The following TRPS1 variants were observed in gnomAD, a reference collection of about 807,000 sequenced individuals.
TRPS1 encodes zinc finger transcription factor Trps1.
TRPS1 carries 6 observed loss-of-function variants against 101.2 expected under a neutral mutation model. The observed-to-expected ratio is 0.06, with a 90% confidence interval of 0.03 to 0.12. The LOEUF is 0.12. Among genes scored for constraint, TRPS1 ranks in the 10% least tolerant of loss-of-function variants. TRPS1 has a pLI of 1.00. For missense variants in TRPS1, 1,363 were observed against 1,567.0 expected (o/e 0.87, Z 2.20); for synonymous variants, 578 against 589.8 (o/e 0.98, Z 0.29).
chr8:115,454,260 T>C (rs1275593193), intron 5 of TRPS1, among the ~76,000 whole-genome samples: 1 of 152,230 alleles, frequency 6.6e-6, no homozygotes, highest in Non-Finnish European at 1.5e-5. Flanking sequence ...GATACAGCCA[T>C]TCAAATAGGC....
At chr8:115,606,067 G>C (rs1030609957) in intron 3 of TRPS1, among the ~76,000 whole-genome samples, 1 of 152,168 alleles carries the variant, frequency 6.6e-6, no homozygotes, top group Non-Finnish European at 1.5e-5. Flanking sequence ...AATATATTAA[G>C]CAAGTGGCAT....
intron 5 of TRPS1, among the ~76,000 whole-genome samples, chr8:115,538,620 G>C (rs1412243246): frequency 6.6e-6 from 1 of 151,008 alleles, no homozygotes; most frequent in Non-Finnish European, 1.5e-5. Flanking sequence ...GCTTCCAAAT[G>C]TATCTTCTGA....
At chr8:115,628,314 C>T (rs961459024) in intron 1 of TRPS1, among the ~76,000 whole-genome samples, 1 of 151,756 alleles carries the variant, frequency 6.6e-6, no homozygotes, top group African/African-American at 2.4e-5. Flanking sequence ...TCCATTCACG[C>T]AACAAAAGGG....
intron 1 of TRPS1, chr8:115,637,397 G>T: frequency 1.3e-6 from 1 of 775,144 alleles, no homozygotes; most frequent in Non-Finnish European, 1.6e-6. Flanking sequence ...GAAGGGAAAG[G>T]TAGAAAATGA....
At chr8:115,655,484 C>T (rs1464061267) in intron 1 of TRPS1, among the ~76,000 whole-genome samples, 1 of 152,134 alleles carries the variant, frequency 6.6e-6, no homozygotes, top group Non-Finnish European at 1.5e-5. Context: ...TCAGAGACTA[C>T]ACCATTTACC....
rs1344785130 is a variant in TRPS1, at chr8:115,411,729, G to T, written c.*2294C>A. On this transcript the variant is annotated 3_prime_UTR_variant, in exon 7 of 7. Transcript: ENST00000395715. ...ACGCGACAGGTGAGATCAGAATAAG[G>T]CCCGTTAACAATGAAACTGAAGCAG... 6.6e-6 allele frequency: 1 copy of T among 152,192 alleles called. No homozygotes were observed. The highest frequency in any genetic ancestry group is 1.5e-5 in the Non-Finnish European group (1 of 67,946). The allele number at this position is 152,192 out of a possible 1,614,324, so 9.4% of individuals were successfully genotyped here.
intron 5 of TRPS1, among the ~76,000 whole-genome samples, chr8:115,498,399 CTCTCTCTCTCTCTCTCTATA>C (rs1428223652): frequency 8.5e-4 from 71 of 83,230 alleles, no homozygotes; most frequent in African/African-American, 3.5e-3. Flanking sequence ...CTCTCTCTCT[CTCTCTCTCTCTCTCTCTATA>C]TATATATATA....
rs1817981762 is a variant in TRPS1 at position 115,604,371 on chromosome 8, A to G, written c.1598T>C (p.Val533Ala). The G allele has an allele frequency of 6.2e-7, 1 of 1,614,016 alleles. No individual in the cohort carries two copies. Among genetic ancestry groups the G allele is most frequent in the Non-Finnish European group, 8.5e-7 (1 of 1,179,992 alleles). The change falls in exon 4 of 7, where the codon GTA becomes GCA. Residue 533 changes from valine to alanine, a missense_variant. By Grantham distance (64) the Val-to-Ala change is moderately conservative. This residue lies in a region of TRPS1 where 1,020 missense variants were observed against 1,073.0 expected (regional missense o/e 0.95). Transcript: ENST00000395715. The surrounding 1 kb of genome is among the most constrained non-coding windows in gnomAD (Gnocchi z 4.1). ...FSSKGAEDNM[V>A]TSYNCQFCDF... ...ACAGAACTGACAATTATAGCTCGTTACCATATTATCCTCGGCTCCCTTGCT... is the reference window on the plus strand; with the variant it reads ...ACAGAACTGACAATTATAGCTCGTTGCCATATTATCCTCGGCTCCCTTGCT...
chr8:115,590,775 C>T (rs1817662280), intron 4 of TRPS1, among the ~76,000 whole-genome samples: 2 of 152,122 alleles, frequency 1.3e-5, no homozygotes, highest in Non-Finnish European at 2.9e-5. Context: ...AAAGTTGTCT[C>T]TTGATATGGT....
chr8:115,451,586 C>T (rs2129929050), intron 5 of TRPS1, among the ~76,000 whole-genome samples: 1 of 152,206 alleles, frequency 6.6e-6, no homozygotes, highest in African/African-American at 2.4e-5. Context: ...TAATCCTAAC[C>T]ACAGCCTGTG....
chr8:115,579,284 C>T (rs1027142713), intron 5 of TRPS1, among the ~76,000 whole-genome samples: 3 of 152,058 alleles, frequency 2.0e-5, no homozygotes, highest in Admixed American at 6.5e-5. Flanking sequence ...AGTAGTTTCA[C>T]CAGATTTTCT....
At chr8:115,652,779 A>T (rs528985936) in intron 1 of TRPS1, among the ~76,000 whole-genome samples, 1 of 152,350 alleles carries the variant, frequency 6.6e-6, no homozygotes, top group South Asian at 2.1e-4. Flanking sequence ...AGCTTCTATA[A>T]AATATCCACG....
intron 5 of TRPS1, among the ~76,000 whole-genome samples, chr8:115,549,399 T>C (rs1326150941): frequency 6.6e-6 from 1 of 152,220 alleles, no homozygotes; most frequent in Non-Finnish European, 1.5e-5. Context: ...AAACATCATA[T>C]TGTATAAGAT....
At chr8:115,432,590 G>A (rs566847938) in intron 5 of TRPS1, among the ~76,000 whole-genome samples, 44 of 151,848 alleles carry the variant, frequency 2.9e-4, no homozygotes, top group African/African-American at 1.0e-3. Flanking sequence ...AACTAACATT[G>A]AACTCAATTC....
chr8:115,653,470 A>G (rs940811773), intron 1 of TRPS1, among the ~76,000 whole-genome samples: 14 of 152,204 alleles, frequency 9.2e-5, no homozygotes, highest in African/African-American at 3.1e-4. Context: ...TAGTCAAAAT[A>G]GTTCCTTAAC....
At chr8:115,538,150 G>A (rs116592942) in intron 5 of TRPS1, among the ~76,000 whole-genome samples, 354 of 152,192 alleles carry the variant, frequency 2.3e-3, no homozygotes, top group African/African-American at 8.2e-3. Flanking sequence ...GCATTTTCCC[G>A]TAATCTCTCA....
At chr8:115,528,535 C>A (rs1025998525) in intron 5 of TRPS1, among the ~76,000 whole-genome samples, 1 of 152,032 alleles carries the variant, frequency 6.6e-6, no homozygotes, top group East Asian at 1.9e-4. Context: ...CACACCTGAT[C>A]TCTAATTTTC....
intron 4 of TRPS1, among the ~76,000 whole-genome samples, chr8:115,596,223 T>C (rs1430090450): frequency 1.3e-5 from 2 of 151,936 alleles, no homozygotes; most frequent in African/African-American, 2.4e-5. Flanking sequence ...AATATGTGTG[T>C]AGTTTTCCAC....
chr8:115,519,615 A>G (rs547587925), intron 5 of TRPS1, among the ~76,000 whole-genome samples: 2 of 151,694 alleles, frequency 1.3e-5, no homozygotes, highest in South Asian at 4.2e-4. Context: ...AAAAACTACT[A>G]AATTATTTGG....
Sources: allele counts gnomAD v4.1 joint callset (sites outside exome capture counted in the v4.1 genomes callset), GRCh38; gene constraint gnomAD v4.1.1; regional missense constraint gnomAD v4.1.1; non-coding constraint Gnocchi (gnomAD v3.1); transcripts MANE v1.5; gene names NCBI Gene and HGNC (gene_info 2026-07-23, HGNC 2026-07-21).